PROS1: variants seen among roughly 807,000 people sequenced by gnomAD.
PROS1 encodes vitamin K-dependent protein S.
A neutral mutation model predicts 75.9 loss-of-function variants in PROS1; 29 were observed. The observed-to-expected ratio is 0.38, with a 90% CI of 0.28 to 0.52. PROS1 has a LOEUF of 0.52. Among genes scored for constraint, PROS1 ranks in the 20% least tolerant of loss-of-function variants. PROS1 has a pLI of 0.83. For missense variants in PROS1, 680 were observed against 810.3 expected, an observed-to-expected ratio of 0.84 and a Z score of 1.95; for synonymous variants, 245 against 280.6, an observed-to-expected ratio of 0.87 and a Z score of 1.27.
At chr3:93,952,756 C>A (rs926908260) in intron 1 of PROS1, among the ~76,000 whole-genome samples, 4 of 152,054 alleles carry the variant, frequency 2.6e-5, no homozygotes, top group African/African-American at 9.7e-5. Context: ...GATAGAGACA[C>A]AAAAAACCCT....
rs375056030 is a variant in PROS1, at chr3:93,901,583, G to A, written c.602-654C>T. The stretch of plus-strand genomic sequence containing the variant: ...GTGACAGAAATAGTTCAATGGAGAC[G>A]GAATTATTAGTGAACTATTCTGTGT... On this transcript the variant is annotated intron_variant, in intron 6 of 14. Transcript: ENST00000394236. Among the ~76,000 whole-genome samples the A allele has an allele frequency of 4.2e-4, 64 of 152,162 alleles. No individual in the cohort carries two copies. In the South Asian group the frequency reaches 0.012, roughly 29 times the overall value.
At chr3:93,960,559 T>G (rs1709691435) in intron 1 of PROS1, among the ~76,000 whole-genome samples, 1 of 145,512 alleles carries the variant, frequency 6.9e-6, no homozygotes, top group Non-Finnish European at 1.5e-5. Flanking sequence ...TTTTTTTTTT[T>G]TTTGCAGGAA....
At chr3:93,953,712 G>T (rs1489320513) in intron 1 of PROS1, among the ~76,000 whole-genome samples, 1 of 152,132 alleles carries the variant, frequency 6.6e-6, no homozygotes, top group African/African-American at 2.4e-5. Flanking sequence ...AAATAGGGTT[G>T]GAAGTTCTGG....
chr3:93,972,602 G>T (rs1559955748), intron 1 of PROS1, among the ~76,000 whole-genome samples: 1 of 151,948 alleles, frequency 6.6e-6, no homozygotes, highest in Non-Finnish European at 1.5e-5. Flanking sequence ...ACTTTGGGAG[G>T]CCAAGGCGGA....
At chr3:93,893,183 T>C in intron 9 of PROS1, 61 bp from the exon 10 acceptor site, 2 of 1,402,508 alleles carry the variant, frequency 1.4e-6, no homozygotes, top group African/African-American at 1.4e-5. Flanking sequence ...CAATGCATTA[T>C]TCTTTTTTTC....
At chr3:93,964,346 A>C (rs535182695) in intron 1 of PROS1, among the ~76,000 whole-genome samples, 1 of 152,190 alleles carries the variant, frequency 6.6e-6, no homozygotes, top group Non-Finnish European at 1.5e-5. Flanking sequence ...TTTTCCTAGC[A>C]AGGAATATTA....
intron 3 of PROS1, among the ~76,000 whole-genome samples, chr3:93,913,696 G>A (rs1467188004): frequency 6.6e-6 from 1 of 152,036 alleles, no homozygotes; most frequent in Non-Finnish European, 1.5e-5. Context: ...TCCAGTCTTG[G>A]GTATGTCTTT....
chr3:93,970,596 G>C (rs1021557691), intron 1 of PROS1, among the ~76,000 whole-genome samples: 2 of 151,940 alleles, frequency 1.3e-5, no homozygotes, highest in Non-Finnish European at 2.9e-5. Context: ...TTCCTCCTCA[G>C]CCTCCCAAAG....
At chr3:93,919,352 A>C (rs1708909404) in intron 3 of PROS1, among the ~76,000 whole-genome samples, 2 of 152,020 alleles carry the variant, frequency 1.3e-5, no homozygotes, top group Admixed American at 1.3e-4. Context: ...CTGATTTCTA[A>C]GGAGAGGCAG....
chr3:93,963,769 C>A (rs1281760781), intron 1 of PROS1, among the ~76,000 whole-genome samples: 1 of 152,134 alleles, frequency 6.6e-6, no homozygotes, highest in Non-Finnish European at 1.5e-5. Flanking sequence ...TATGAGAAGT[C>A]ACTCATCACC....
chr3:93,890,182 G>A (rs192278662), intron 10 of PROS1, among the ~76,000 whole-genome samples: 2 of 151,988 alleles, frequency 1.3e-5, no homozygotes, highest in South Asian at 2.1e-4. Flanking sequence ...TTATTAGGGT[G>A]GGGAAAAAAC....
chr3:93,893,175 A>G (rs1031206097), intron 9 of PROS1, 53 bp from the exon 10 acceptor site: 10 of 1,471,562 alleles, frequency 6.8e-6, no homozygotes, highest in Non-Finnish European at 9.4e-6. Flanking sequence ...AGAAAGCTCA[A>G]TGCATTATTC....
At chr3:93,944,422 A>C (rs754425487) in intron 1 of PROS1, among the ~76,000 whole-genome samples, 6 of 152,216 alleles carry the variant, frequency 3.9e-5, no homozygotes, top group Non-Finnish European at 7.3e-5. Flanking sequence ...ACTCCTCAGC[A>C]AATCTAAAAG....
chr3:93,882,954 C>T (rs1708293871), intron 12 of PROS1, among the ~76,000 whole-genome samples: 1 of 152,098 alleles, frequency 6.6e-6, no homozygotes, highest in African/African-American at 2.4e-5. Context: ...ATTGCAACTA[C>T]AGATTAGGAA....
intron 1 of PROS1, among the ~76,000 whole-genome samples, chr3:93,966,980 A>G (rs868397008): frequency 1.1e-4 from 17 of 152,318 alleles, no homozygotes; most frequent in South Asian, 8.3e-4. Context: ...ATAAGGGCCA[A>G]ACACAGAAGT....
At chr3:93,913,563 T>A (rs1708792540) in intron 3 of PROS1, among the ~76,000 whole-genome samples, 1 of 152,222 alleles carries the variant, frequency 6.6e-6, no homozygotes, top group Non-Finnish European at 1.5e-5. Context: ...TATGTCTTTA[T>A]TAGCAACATG....
chr3:93,903,807 A>G (rs1212274262), intron 6 of PROS1, among the ~76,000 whole-genome samples: 1 of 152,100 alleles, frequency 6.6e-6, no homozygotes, highest in African/African-American at 2.4e-5. Flanking sequence ...TCATGTCCTA[A>G]TGACAGTCTT....
rs553753206 is a variant in PROS1, at chr3:93,874,149, A to G, written c.*96T>C. 5 of 1,395,280 alleles carry G rather than the reference A, an allele frequency of 3.6e-6. No homozygotes were observed. Among genetic ancestry groups the G allele is most frequent in the Middle Eastern group, 2.4e-4 (1 of 4,200 alleles). 86.4% of individuals were successfully genotyped at this position (1,395,280 alleles called of 1,614,324 possible). A position where few individuals can be genotyped will look rare whatever the true frequency, so the allele number is the denominator to read the frequency against. On this transcript the variant is annotated 3_prime_UTR_variant, in exon 15 of 15. Coordinates refer to ENST00000394236, the MANE Select transcript of PROS1 (RefSeq NM_000313.4). The stretch of plus-strand genomic sequence containing the variant: ...CCAGGAAAGGACCACAAAATAATCA[A>G]AGACTGCACATTGTAAATAAAACCC...
intron 12 of PROS1, 117 bp downstream of exon 12, chr3:93,884,611 A>AGTGGCT (rs1708320143): frequency 8.4e-7 from 1 of 1,187,952 alleles, no homozygotes; most frequent in Admixed American, 2.1e-5. Context: ...TAAGCATAAG[A>AGTGGCT]CTAGAGTGGG....
Sources: gnomAD v4.1 joint callset for allele counts (sites outside exome capture counted in the v4.1 genomes callset) on GRCh38, gnomAD v4.1.1 for gene constraint, MANE v1.5 for transcripts, NCBI Gene and HGNC (gene_info 2026-07-23, HGNC 2026-07-21) for gene names.